The following MVB12B variants were observed in gnomAD, a reference collection of about 807,000 sequenced individuals.
MVB12B encodes the protein multivesicular body subunit 12B.
MVB12B carries 16 observed loss-of-function variants against 41.6 expected under a neutral mutation model. The observed-to-expected ratio is 0.38, with a 90% CI of 0.26 to 0.58. The LOEUF (loss-of-function observed/expected upper bound fraction) is 0.58. Ranked by LOEUF, MVB12B falls within the 20% of genes least tolerant of loss-of-function variation. MVB12B has a pLI of 0.62. For missense variants in MVB12B, 274 were observed against 380.2 expected (o/e 0.72, Z 2.32); for synonymous variants, 133 against 139.7 (o/e 0.95, Z 0.34).
At chr9:126,434,093 TC>T (rs1832404417) in intron 7 of MVB12B, among the ~76,000 whole-genome samples, 1 of 152,196 alleles carries the variant, frequency 6.6e-6, no homozygotes, top group African/African-American at 2.4e-5. Context: ...GAAATTCCGA[TC>T]TTTTTTAGAA....
At chr9:126,489,346 G>GC (rs1833684046) in intron 9 of MVB12B, among the ~76,000 whole-genome samples, 1 of 152,208 alleles carries the variant, frequency 6.6e-6, no homozygotes, top group Admixed American at 6.5e-5. Flanking sequence ...CCAGCCCAGC[G>GC]TGCCACACAG....
rs960113181 is a variant in MVB12B at position 126,416,828 on chromosome 9, G to C, written c.663-5026G>C. Among the ~76,000 whole-genome samples the C allele has an allele frequency of 2.6e-5, 4 of 152,272 alleles. No homozygotes were observed. The East Asian group carries it at 7.7e-4, about 29-fold the overall frequency. On this transcript the variant is annotated intron_variant, in intron 6 of 9. Transcript: ENST00000361171. The stretch of plus-strand genomic sequence containing the variant: ...CCCCCAGCCCAGGTCCTGGCAGGTG[G>C]GGCTCCATCCCACGCTGGGGAACTG...
chr9:126,397,550 A>T (rs1831151455), intron 6 of MVB12B: 1 of 985,296 alleles, frequency 1.0e-6, no homozygotes, highest in African/African-American at 1.7e-5. Context: ...AATGTATTCT[A>T]ATTTGGCTGA....
At chr9:126,428,905 C>T (rs1400224134) in intron 7 of MVB12B, among the ~76,000 whole-genome samples, 2 of 152,108 alleles carry the variant, frequency 1.3e-5, no homozygotes, top group African/African-American at 2.4e-5. Flanking sequence ...GTTCTCGTGG[C>T]TCGGGGTGGC....
intron 3 of MVB12B, among the ~76,000 whole-genome samples, chr9:126,383,115 G>A (rs1830681472): frequency 6.6e-6 from 1 of 152,204 alleles, no homozygotes; most frequent in Non-Finnish European, 1.5e-5. Context: ...GCCAGCCCAG[G>A]AGTGGAGGAG....
chr9:126,354,698 A>G (rs994397829), intron 2 of MVB12B, among the ~76,000 whole-genome samples: 7 of 152,256 alleles, frequency 4.6e-5, no homozygotes, highest in African/African-American at 1.7e-4. Flanking sequence ...TGGGAATGCA[A>G]TGTATACATA....
At chr9:126,425,326 A>G (rs1260159197) in intron 7 of MVB12B, among the ~76,000 whole-genome samples, 2 of 152,216 alleles carry the variant, frequency 1.3e-5, no homozygotes, top group African/African-American at 4.8e-5. Flanking sequence ...ATACATCTAA[A>G]GGTCTGGAAA....
At chr9:126,327,933 A>T (rs1829029745) in intron 1 of MVB12B, among the ~76,000 whole-genome samples, 1 of 152,188 alleles carries the variant, frequency 6.6e-6, no homozygotes, top group Non-Finnish European at 1.5e-5. Flanking sequence ...AAAAGCAGAC[A>T]GCAGACCAGC....
chr9:126,430,862 A>G (rs1040783187), intron 7 of MVB12B, among the ~76,000 whole-genome samples: 1 of 152,244 alleles, frequency 6.6e-6, no homozygotes, highest in African/African-American at 2.4e-5. Context: ...ACCCTGCACA[A>G]TGCTACTTTG....
At chr9:126,454,763 G>A (rs146770761) in intron 7 of MVB12B, among the ~76,000 whole-genome samples, 2 of 151,884 alleles carry the variant, frequency 1.3e-5, no homozygotes, top group South Asian at 2.1e-4. Flanking sequence ...ATAGCCTTCT[G>A]GTAGGGGTCG....
At chr9:126,469,684 C>G (rs940239203) in intron 7 of MVB12B, among the ~76,000 whole-genome samples, 1 of 152,180 alleles carries the variant, frequency 6.6e-6, no homozygotes, top group African/African-American at 2.4e-5. Flanking sequence ...TGCATTGGAC[C>G]TTGGGTCTGC....
At chr9:126,444,198 A>G (rs1389138382) in intron 7 of MVB12B, among the ~76,000 whole-genome samples, 1 of 152,134 alleles carries the variant, frequency 6.6e-6, no homozygotes, top group Non-Finnish European at 1.5e-5. Flanking sequence ...CATTATCTTC[A>G]TTTCTAAAAG....
rs972581203 is a variant in MVB12B, at chr9:126,376,768, G to C, written c.205-4296G>C. 1 of 1,214,690 alleles carries C rather than the reference G, an allele frequency of 8.2e-7. No homozygotes were observed. The highest frequency in any genetic ancestry group is 5.7e-5 in the East Asian group (1 of 17,568). The allele number at this position is 1,214,690 out of a possible 1,614,324, so 75.2% of individuals were successfully genotyped here. A position where few individuals can be genotyped will look rare whatever the true frequency, so the allele number is the denominator to read the frequency against. On this transcript the variant is annotated intron_variant, in intron 2 of 9. Coordinates refer to ENST00000361171, the MANE Select transcript of MVB12B (RefSeq NM_033446.3). The surrounding 1 kb of genome is among the most constrained non-coding windows in gnomAD (Gnocchi z 4.1). The stretch of plus-strand genomic sequence containing the variant: ...CCTCCAGCCTCCTTCCCCACCTGCC[G>C]GGCTTGTAGAGTCCTGAGCTGTGCT...
At chr9:126,472,057 T>C (rs910747290) in intron 7 of MVB12B, among the ~76,000 whole-genome samples, 1 of 152,120 alleles carries the variant, frequency 6.6e-6, no homozygotes, top group Admixed American at 6.6e-5. Flanking sequence ...CATGTGTTGA[T>C]TGGAGTATTT....
At chr9:126,350,856 A>G (rs1311673247) in intron 2 of MVB12B, among the ~76,000 whole-genome samples, 1 of 152,176 alleles carries the variant, frequency 6.6e-6, no homozygotes, top group Admixed American at 6.5e-5. Context: ...CCTTTCCAAA[A>G]TGATTTTAGC....
intron 2 of MVB12B, among the ~76,000 whole-genome samples, chr9:126,379,042 A>AGACACAGCTCCCT (rs1291064264): frequency 6.6e-6 from 1 of 152,212 alleles, no homozygotes. Flanking sequence ...GGAACGTTAA[A>AGACACAGCTCCCT]GACACAGCTC....
At chr9:126,368,937 G>A (rs1830259403) in intron 2 of MVB12B, among the ~76,000 whole-genome samples, 4 of 152,038 alleles carry the variant, frequency 2.6e-5, no homozygotes, top group Non-Finnish European at 4.4e-5. Flanking sequence ...TTATTTTTAT[G>A]AAGATGTACA....
chr9:126,381,031 C>T (rs770820207), intron 2 of MVB12B, 33 bp from the exon 3 acceptor site: 3 of 1,585,082 alleles, frequency 1.9e-6, no homozygotes, highest in East Asian at 2.2e-5. Context: ...TCCTGCCTTA[C>T]CTGCAATCCT....
chr9:126,436,941 AT>A lies in MVB12B; in HGVS notation c.757+14999del, dbSNP rs1186610286. Among the ~76,000 whole-genome samples, 1 of 152,184 alleles carries A rather than the reference AT, an allele frequency of 6.6e-6. No homozygotes were observed. The highest frequency in any genetic ancestry group is 1.5e-5 in the Non-Finnish European group (1 of 68,028). ...GGACCAATTAAAACTTTGGAAGCTA[AT>A]TTTTTGCTGAGCAGAGCAGACCTCT... On this transcript the variant is annotated intron_variant, in intron 7 of 9. Transcript: ENST00000361171. This position sits in a 1 kb window ranked among gnomAD's most constrained non-coding sequence, Gnocchi z 4.1.
Sources: allele counts gnomAD v4.1 joint callset (sites outside exome capture counted in the v4.1 genomes callset), GRCh38; gene constraint gnomAD v4.1.1; non-coding constraint Gnocchi (gnomAD v3.1); transcripts MANE v1.5; gene names NCBI Gene and HGNC (gene_info 2026-07-23, HGNC 2026-07-21).